LPP: variants seen among roughly 807,000 people sequenced by gnomAD.
The protein encoded by LPP is lipoma-preferred partner.
In LPP, 38 loss-of-function variants were observed where a neutral mutation model predicts 60.4. The ratio of observed to expected loss-of-function variants is 0.63; its 90% CI spans 0.49 to 0.83. The LOEUF (loss-of-function observed/expected upper bound fraction) is 0.83. LPP is among the 40% of genes least tolerant of loss of function. The probability of loss-of-function intolerance (pLI) is 0.00; values close to 1 mark genes in which losing one functional copy is unlikely to be tolerated. For missense variants in LPP, 902 were observed against 783.6 expected (o/e 1.15, Z -1.80); for synonymous variants, 328 against 290.8 (o/e 1.13, Z -1.30).
At chr3:188,799,113 G>T (rs753494408) in intron 9 of LPP, among the ~76,000 whole-genome samples, 9 of 152,220 alleles carry the variant, frequency 5.9e-5, no homozygotes, top group Admixed American at 3.9e-4. Flanking sequence ...CATTCAGCCT[G>T]CTGGAGCAAG....
intron 1 of LPP, among the ~76,000 whole-genome samples, chr3:188,187,858 A>G (rs1490464935): frequency 6.6e-6 from 1 of 152,086 alleles, no homozygotes; most frequent in African/African-American, 2.4e-5. Context: ...TGTTATTAAA[A>G]TATTATTCAC....
Position 188,886,437 on chromosome 3 carries a change from T to C in LPP, c.*11958T>C. 1 of 186,940 alleles carries C rather than the reference T, an allele frequency of 5.3e-6. No individual in the cohort carries two copies. The highest frequency in any genetic ancestry group is 1.1e-5 in the Non-Finnish European group (1 of 91,358). 11.6% of individuals were successfully genotyped at this position (186,940 alleles called of 1,614,324 possible). ...TATTCCCACCCCAGGAATGGATTAA[T>C]AGAAGACACAATTTGAGCACTTCTC... On this transcript the variant is annotated 3_prime_UTR_variant, in exon 12 of 12. Transcript: ENST00000617246.
intron 3 of LPP, among the ~76,000 whole-genome samples, chr3:188,385,353 G>T (rs937544967): frequency 6.6e-6 from 1 of 152,120 alleles, no homozygotes; most frequent in Non-Finnish European, 1.5e-5. Context: ...GTGTGGGGGG[G>T]TGTGAAGAGA....
intron 5 of LPP, among the ~76,000 whole-genome samples, chr3:188,503,661 G>T (rs1812600698): frequency 6.8e-6 from 1 of 147,696 alleles, no homozygotes. Context: ...TTTCATGACT[G>T]GCATTTTGAT....
intron 7 of LPP, among the ~76,000 whole-genome samples, chr3:188,649,754 G>A (rs994430009): frequency 3.9e-5 from 6 of 152,284 alleles, no homozygotes; most frequent in South Asian, 4.1e-4. Flanking sequence ...TAATTCCTGA[G>A]TCAACTATGA....
At chr3:188,153,105 C>T (rs1715053170), upstream of LPP, 1 of 152,236 alleles carries the variant, frequency 6.6e-6, no homozygotes. Flanking sequence ...CAGGAACTGG[C>T]TCTGGGCCAA....
intron 2 of LPP, among the ~76,000 whole-genome samples, chr3:188,313,403 G>T (rs1754077874): frequency 6.6e-6 from 1 of 152,112 alleles, no homozygotes; most frequent in Admixed American, 6.5e-5. Flanking sequence ...ACTTCGGGTG[G>T]CTGAGGTGGG....
At chr3:188,509,024 T>C (rs979639699) in intron 5 of LPP, among the ~76,000 whole-genome samples, 3 of 152,220 alleles carry the variant, frequency 2.0e-5, no homozygotes, top group African/African-American at 7.2e-5. Context: ...CTTATGTTCA[T>C]GGATATCGAA....
chr3:188,462,772 T>G (rs773593867), intron 4 of LPP, among the ~76,000 whole-genome samples: 3 of 151,836 alleles, frequency 2.0e-5, no homozygotes, highest in Admixed American at 6.6e-5. Context: ...TCTACATTGA[T>G]TTTTAAATAA....
intron 9 of LPP, among the ~76,000 whole-genome samples, chr3:188,811,011 T>C (rs1750771853): frequency 6.6e-6 from 1 of 152,100 alleles, no homozygotes; most frequent in African/African-American, 2.4e-5. Flanking sequence ...AAAATATTTC[T>C]CAAGGGTATA....
chr3:188,177,811 T>A (rs1315756877), intron 1 of LPP, among the ~76,000 whole-genome samples: 1 of 152,052 alleles, frequency 6.6e-6, no homozygotes, highest in Non-Finnish European at 1.5e-5. Context: ...GAATGAGGGC[T>A]GGAGAGATGG....
chr3:188,705,279 G>T (rs1577110890), intron 7 of LPP, among the ~76,000 whole-genome samples: 1 of 152,154 alleles, frequency 6.6e-6, no homozygotes, highest in Non-Finnish European at 1.5e-5. Context: ...CTATTCTGCA[G>T]TTGGATTTGT....
intron 2 of LPP, among the ~76,000 whole-genome samples, chr3:188,315,198 A>T (rs1177836320): frequency 6.6e-6 from 1 of 152,194 alleles, no homozygotes; most frequent in African/African-American, 2.4e-5. Context: ...GGTGTAAAAT[A>T]ATTTCTCATG....
At chr3:188,537,079 G>A (rs1823833617) in intron 6 of LPP, among the ~76,000 whole-genome samples, 1 of 152,184 alleles carries the variant, frequency 6.6e-6, no homozygotes, top group Admixed American at 6.5e-5. Context: ...AATATTCTAT[G>A]TAATATTAAT....
At chr3:188,222,629 AT>A (rs561793908) in intron 1 of LPP, among the ~76,000 whole-genome samples, 10 of 149,882 alleles carry the variant, frequency 6.7e-5, no homozygotes, top group African/African-American at 1.5e-4. Context: ...CACATTGTTG[AT>A]TTTTTTTTTA....
intron 1 of LPP, among the ~76,000 whole-genome samples, chr3:188,219,145 A>G (rs1023665557): frequency 6.6e-6 from 1 of 152,134 alleles, no homozygotes; most frequent in Non-Finnish European, 1.5e-5. Flanking sequence ...TTAATCTCAC[A>G]ACTTGATTGT....
intron 3 of LPP, among the ~76,000 whole-genome samples, chr3:188,394,025 G>T (rs954151290): frequency 7.9e-5 from 12 of 152,106 alleles, no homozygotes; most frequent in Non-Finnish European, 1.5e-4. Flanking sequence ...TTGGGGTTTT[G>T]TTTATGATTT....
chr3:188,323,059 T>C (rs1757397931), intron 2 of LPP, among the ~76,000 whole-genome samples: 1 of 152,200 alleles, frequency 6.6e-6, no homozygotes, highest in Non-Finnish European at 1.5e-5. Flanking sequence ...GAAAATGTGG[T>C]AAGCAATTGC....
rs375322835 is a variant in LPP, at chr3:188,249,185, G to A, written c.-67+23658G>A. Among the ~76,000 whole-genome samples, 160 of 152,272 alleles carry A rather than the reference G, an allele frequency of 1.1e-3. 2 individuals carry two copies. Among genetic ancestry groups the A allele is most frequent in the Admixed American group, 7.1e-3 (109 of 15,296 alleles). On this transcript the variant is annotated intron_variant, in intron 2 of 11. Transcript: ENST00000617246. Reference sequence around the variant, plus strand: ...AGGCCGAGCAGGGAGGATAGCTTGAGTCCAGGAGTTTGAGTGGAGTGGTCA... The same window carrying A: ...AGGCCGAGCAGGGAGGATAGCTTGAATCCAGGAGTTTGAGTGGAGTGGTCA...
Sources: gnomAD v4.1 joint callset for allele counts (sites outside exome capture counted in the v4.1 genomes callset) on GRCh38, gnomAD v4.1.1 for gene constraint, MANE v1.5 for transcripts, NCBI Gene and HGNC (gene_info 2026-07-23, HGNC 2026-07-21) for gene names.